Variants in GRM5 observed in about 807,000 individuals in gnomAD.
The protein encoded by GRM5 is glutamate metabotropic receptor 5, also known as metabotropic glutamate receptor 5.
Under a neutral mutation model 83.1 loss-of-function variants are expected in GRM5, and 19 were observed. The ratio of observed to expected loss-of-function variants is 0.23; its 90% CI spans 0.16 to 0.34. The LOEUF (loss-of-function observed/expected upper bound fraction) is 0.34. Ranked by LOEUF, GRM5 falls within the 10% of genes least tolerant of loss-of-function variation. The pLI is 1.00. For synonymous variants in GRM5, 675 were observed against 633.6 expected (o/e 1.07, Z -0.98); for missense variants, 1,160 against 1,588.3 (o/e 0.73, Z 4.58).
At chr11:88,695,551 C>T (rs60211556) in intron 3 of GRM5, among the ~76,000 whole-genome samples, 28,188 of 152,104 alleles carry the variant, frequency 0.19, 5,093 homozygotes, top group African/African-American at 0.46. Context: ...TTATCTTTCC[C>T]ATTGCCAAAG....
intron 3 of GRM5, among the ~76,000 whole-genome samples, chr11:88,668,743 T>C (rs1315869873): frequency 6.6e-6 from 1 of 152,152 alleles, no homozygotes; most frequent in Non-Finnish European, 1.5e-5. Context: ...GCACAGCAGA[T>C]CATTAGAACT....
intron 2 of GRM5, among the ~76,000 whole-genome samples, chr11:89,014,325 G>T (rs1940791878): frequency 7.2e-5 from 11 of 152,188 alleles, no homozygotes; most frequent in Admixed American, 7.2e-4. Flanking sequence ...ACATGGTACA[G>T]AAAACAGAAT....
intron 4 of GRM5, among the ~76,000 whole-genome samples, chr11:88,605,252 T>C (rs1306061448): frequency 2.0e-5 from 3 of 152,158 alleles, no homozygotes; most frequent in Non-Finnish European, 2.9e-5. Flanking sequence ...AGGATAGAAC[T>C]GTATTTCTGT....
chr11:89,057,865 A>T (rs1941910397), intron 1 of GRM5, among the ~76,000 whole-genome samples: 2 of 152,170 alleles, frequency 1.3e-5, no homozygotes, highest in Non-Finnish European at 2.9e-5. Flanking sequence ...TCTTTCTGTT[A>T]AATAATGTAT....
At chr11:88,709,386 T>A (rs912032404) in intron 3 of GRM5, among the ~76,000 whole-genome samples, 1 of 152,050 alleles carries the variant, frequency 6.6e-6, no homozygotes, top group Non-Finnish European at 1.5e-5. Flanking sequence ...CTGGACTTTT[T>A]TCTGAAGAAT....
At chr11:88,669,301 A>G (rs1235389923) in intron 3 of GRM5, among the ~76,000 whole-genome samples, 2 of 152,146 alleles carry the variant, frequency 1.3e-5, no homozygotes, top group African/African-American at 4.8e-5. Context: ...TGATAAAATG[A>G]CCTTGGCAAC....
At chr11:88,698,999 A>G (rs540078647) in intron 3 of GRM5, among the ~76,000 whole-genome samples, 3 of 152,292 alleles carry the variant, frequency 2.0e-5, no homozygotes, top group Middle Eastern at 6.8e-3. Context: ...GTTACAACCT[A>G]TGAGTAAGGA....
intron 3 of GRM5, among the ~76,000 whole-genome samples, chr11:88,786,203 G>T (rs1483439824): frequency 1.3e-5 from 2 of 152,102 alleles, no homozygotes; most frequent in Non-Finnish European, 2.9e-5. Context: ...GTAGCAGCAG[G>T]TGATGGAGGT....
chr11:88,731,122 C>T lies in GRM5; in HGVS notation c.912-77719G>A, dbSNP rs114074312. On this transcript the variant is annotated intron_variant, in intron 3 of 9. Transcript: ENST00000305447. ...AAACTTCTATTATCCACAAAAAATGCCATTTTTTTAATGGCTCCAGAAAGC... is the reference window on the plus strand; with the variant it reads ...AAACTTCTATTATCCACAAAAAATGTCATTTTTTTAATGGCTCCAGAAAGC... 4.9e-3 allele frequency among the ~76,000 whole-genome samples: 742 copies of T among 152,140 alleles called. 5 individuals carry two copies. Among genetic ancestry groups the T allele is most frequent in the African/African-American group, 0.016 (684 of 41,532 alleles).
At chr11:88,831,017 C>T (rs944437902) in intron 3 of GRM5, among the ~76,000 whole-genome samples, 1 of 152,018 alleles carries the variant, frequency 6.6e-6, no homozygotes, top group Non-Finnish European at 1.5e-5. Context: ...AATTACCCCC[C>T]ACCGAGGCCC....
At chr11:88,893,242 T>C (rs973560803) in intron 2 of GRM5, among the ~76,000 whole-genome samples, 4 of 151,950 alleles carry the variant, frequency 2.6e-5, no homozygotes, top group African/African-American at 9.7e-5. Context: ...ACCCTGGCTA[T>C]ATACAAAGGA....
At chr11:88,854,986 G>A (rs1944448673) in intron 2 of GRM5, among the ~76,000 whole-genome samples, 1 of 151,498 alleles carries the variant, frequency 6.6e-6, no homozygotes, top group Non-Finnish European at 1.5e-5. Context: ...AGATAATAAA[G>A]TATAACAGCA....
intron 4 of GRM5, among the ~76,000 whole-genome samples, chr11:88,626,982 A>T (rs1004921041): frequency 3.3e-5 from 5 of 152,106 alleles, no homozygotes; most frequent in South Asian, 2.1e-4. Flanking sequence ...GAAAAAAAAA[A>T]TTTGTTTAAG....
chr11:88,892,876 G>T (rs1945169378), intron 2 of GRM5, among the ~76,000 whole-genome samples: 1 of 151,990 alleles, frequency 6.6e-6, no homozygotes. Flanking sequence ...TGAGTAGGGT[G>T]CCCATAACCC....
intron 3 of GRM5, among the ~76,000 whole-genome samples, chr11:88,712,461 C>T (rs1377376387): frequency 6.6e-6 from 1 of 151,974 alleles, no homozygotes; most frequent in Non-Finnish European, 1.5e-5. Flanking sequence ...TTATTTATTT[C>T]ATCTTGCACT....
At chr11:88,622,492 A>G (rs921317746) in intron 4 of GRM5, among the ~76,000 whole-genome samples, 1 of 152,174 alleles carries the variant, frequency 6.6e-6, no homozygotes, top group Non-Finnish European at 1.5e-5. Flanking sequence ...CCTTACCACT[A>G]TGAATACACA....
intron 2 of GRM5, among the ~76,000 whole-genome samples, chr11:88,864,587 T>A (rs117751621): frequency 1.7e-3 from 261 of 152,166 alleles, no homozygotes; most frequent in Middle Eastern, 3.4e-3. Context: ...ATGATAGGGT[T>A]TACTAAAAAT....
intron 8 of GRM5, among the ~76,000 whole-genome samples, chr11:88,539,125 G>T (rs1286562171): frequency 2.6e-5 from 4 of 152,180 alleles, no homozygotes; most frequent in Admixed American, 6.5e-5. Context: ...AATTTTCTCA[G>T]TCTGGGGACT....
intron 1 of GRM5, among the ~76,000 whole-genome samples, chr11:89,052,341 C>T (rs938080983): frequency 2.0e-5 from 3 of 151,930 alleles, no homozygotes; most frequent in Non-Finnish European, 4.4e-5. Flanking sequence ...TGCTGAGGGG[C>T]CAGATTTTGG....
Sources: allele counts gnomAD v4.1 joint callset (sites outside exome capture counted in the v4.1 genomes callset), GRCh38; gene constraint gnomAD v4.1.1; transcripts MANE v1.5; gene names NCBI Gene and HGNC (gene_info 2026-07-23, HGNC 2026-07-21).